EOGT: variants seen among roughly 807,000 people sequenced by gnomAD.
The protein encoded by EOGT is EGF domain-specific O-linked N-acetylglucosamine transferase.
In EOGT, 55 loss-of-function variants were observed where a neutral mutation model predicts 70.5. That is an observed-to-expected ratio of 0.78 (90% CI 0.63 to 0.98). The LOEUF (loss-of-function observed/expected upper bound fraction) is 0.98, where lower values mean the gene tolerates loss of function less well. EOGT is among the 50% of genes least tolerant of loss of function. The pLI is 0.00. For missense variants in EOGT, 703 were observed against 641.9 expected (o/e 1.10, Z -1.03); for synonymous variants, 246 against 217.1 (o/e 1.13, Z -1.17).
Position 68,977,570 on chromosome 3 carries a change from G to A in EOGT, c.*48C>T. 4 of 1,584,130 alleles carry A rather than the reference G, an allele frequency of 2.5e-6. No homozygotes were observed. Among genetic ancestry groups the A allele is most frequent in the Non-Finnish European group, 1.7e-6 (2 of 1,156,080 alleles). On this transcript the variant is annotated 3_prime_UTR_variant, in exon 18 of 18. Transcript: ENST00000383701. ...TTTACTGATTTAATTCTAAGTCTGG[G>A]TGTTGGAGTGTTTAAACACTCTCTT...
Position 69,008,490 on chromosome 3 carries a change from C to A in EOGT, c.249G>T (p.Glu83Asp), listed in dbSNP as rs778737581. The change falls in exon 5 of 18, where the codon GAG (glutamate) becomes GAT (aspartate). Residue 83 changes from glutamate (E) to aspartate (D), a missense_variant. By Grantham distance (45) the Glu-to-Asp change is conservative. Coordinates refer to ENST00000383701, the MANE Select transcript of EOGT (RefSeq NM_001278689.2). ...LEKLKYCWGY[E>D]KSCKPEFRFG... is the part of the protein sequence containing the mutation. ...ACCTGAACTCTGGTTTGCAGGATTT[C>A]TCATAACCCCAGCAGTACTTTAGCT... 2.5e-6 allele frequency: 4 copies of A among 1,614,076 alleles called. No homozygotes were observed. The highest frequency in any genetic ancestry group is 3.4e-6 in the Non-Finnish European group (4 of 1,179,982).
chr3:68,993,590 A>G (rs541986337), intron 10 of EOGT, among the ~76,000 whole-genome samples: 1 of 152,172 alleles, frequency 6.6e-6, no homozygotes, highest in East Asian at 1.9e-4. Flanking sequence ...AACTGTTCCA[A>G]TCGCTGCTTG....
At position 68,977,477 on chromosome 3, in the gene EOGT, A is replaced by G. The variant is rs928581919; in HGVS notation, c.*141T>C. ...GAAACACTTAACATCTATACAACAC[A>G]TAACAATATCCTGAAGGTATGTTTT... is the stretch of plus-strand genomic sequence containing the variant. On this transcript the variant is annotated 3_prime_UTR_variant, in exon 18 of 18. Transcript: ENST00000383701. The G allele has an allele frequency of 3.7e-6, 3 of 819,162 alleles. No individual in the cohort carries two copies. The highest frequency in any genetic ancestry group is 1.7e-5 in the African/African-American group (1 of 57,670). 50.7% of individuals were successfully genotyped at this position (819,162 alleles called of 1,614,324 possible).
chr3:68,989,585 T>G (rs1374415109), intron 10 of EOGT, among the ~76,000 whole-genome samples: 1 of 151,606 alleles, frequency 6.6e-6, no homozygotes, highest in Non-Finnish European at 1.5e-5. Context: ...CCATCTCTAC[T>G]AAAAATACAA....
Position 69,007,816 on chromosome 3 carries a change from T to G in EOGT, c.317A>C (p.Asp106Ala). The G allele has an allele frequency of 6.3e-7, 1 of 1,594,062 alleles. No homozygotes were observed. Among genetic ancestry groups the G allele is most frequent in the Non-Finnish European group, 8.5e-7 (1 of 1,172,244 alleles). Residue 106 changes from aspartate to alanine, a missense_variant, in exon 6 of 18, where the codon GAC becomes GCC. Coordinates refer to ENST00000383701, the MANE Select transcript of EOGT (RefSeq NM_001278689.2). ...VCSYVDMGWT[D>A]TLESAEDIFW... is the part of the protein sequence containing the mutation. ...TATGTCCTCAGCTGACTCAAGAGTG[T>G]CCGTCCTATTTGCAAATAAAAATAT...
At chr3:69,004,017 C>T (rs966194158) in intron 8 of EOGT, among the ~76,000 whole-genome samples, 2 of 152,168 alleles carry the variant, frequency 1.3e-5, no homozygotes, top group Non-Finnish European at 2.9e-5. Context: ...AGATTATAGG[C>T]ATGAGCCACC....
intron 3 of EOGT, among the ~76,000 whole-genome samples, chr3:69,011,193 C>CT (rs57904466): frequency 8.8e-6 from 1 of 113,272 alleles, no homozygotes; most frequent in East Asian, 2.7e-4. Context: ...GATCTTTGTT[C>CT]TTTTTTTTTT....
At chr3:68,999,037 T>A (rs774723293) in intron 9 of EOGT, among the ~76,000 whole-genome samples, 1 of 152,184 alleles carries the variant, frequency 6.6e-6, no homozygotes, top group South Asian at 2.1e-4. Flanking sequence ...GTGTTCTGAT[T>A]GAAAGAGAAG....
chr3:68,989,649 G>A (rs1018753675), intron 10 of EOGT, among the ~76,000 whole-genome samples: 1 of 150,680 alleles, frequency 6.6e-6, no homozygotes, highest in African/African-American at 2.4e-5. Context: ...TCGGGAGGCT[G>A]AGACAGGAGA....
At chr3:68,996,714 T>C (rs906424391) in intron 10 of EOGT, among the ~76,000 whole-genome samples, 2 of 152,212 alleles carry the variant, frequency 1.3e-5, no homozygotes, top group Non-Finnish European at 1.5e-5. Context: ...AAGAAACACC[T>C]GAGGCTGCCC....
At chr3:68,978,217 C>A in intron 17 of EOGT, 116 bp downstream of exon 17, 1 of 765,976 alleles carries the variant, frequency 1.3e-6, no homozygotes, top group Admixed American at 2.8e-5. Flanking sequence ...TTCAGTATTC[C>A]AGAGAACAGT....
intron 8 of EOGT, among the ~76,000 whole-genome samples, chr3:69,003,098 G>A (rs962549565): frequency 8.6e-5 from 13 of 151,808 alleles, no homozygotes; most frequent in African/African-American, 2.9e-4. Context: ...CGCCCTCCCC[G>A]TCCTCCTCCC....
chr3:69,010,114 CT>C (rs1166569690), intron 3 of EOGT, among the ~76,000 whole-genome samples: 2 of 152,176 alleles, frequency 1.3e-5, no homozygotes, highest in East Asian at 3.8e-4. Flanking sequence ...CTCATGGTGC[CT>C]TTAAACCTAC....
chr3:68,996,041 G>C (rs192445943), intron 10 of EOGT, among the ~76,000 whole-genome samples: 2 of 152,216 alleles, frequency 1.3e-5, no homozygotes, highest in Non-Finnish European at 2.9e-5. Context: ...TTTAGGGCTT[G>C]TAATGGCTGG....
chr3:68,990,240 G>A (rs897333614), intron 10 of EOGT, among the ~76,000 whole-genome samples: 8 of 152,014 alleles, frequency 5.3e-5, no homozygotes, highest in Admixed American at 2.6e-4. Context: ...CCTACATTGC[G>A]AAGCAGCTGA....
chr3:68,999,161 T>C (rs2091235220), intron 9 of EOGT, among the ~76,000 whole-genome samples: 1 of 152,194 alleles, frequency 6.6e-6, no homozygotes, highest in Non-Finnish European at 1.5e-5. Flanking sequence ...GGGAAATAGT[T>C]ACCTAAGTGC....
At chr3:68,989,966 T>A (rs2090939976) in intron 10 of EOGT, among the ~76,000 whole-genome samples, 1 of 151,894 alleles carries the variant, frequency 6.6e-6, no homozygotes, top group South Asian at 2.1e-4. Flanking sequence ...AATAAAAATA[T>A]ATAACATATG....
Position 68,988,509 on chromosome 3 carries a change from A to G in EOGT, c.993T>C (p.Pro331=), listed in dbSNP as rs1029022699. 12 of 1,530,770 alleles carry G rather than the reference A, an allele frequency of 7.8e-6. No individual in the cohort carries two copies. Among genetic ancestry groups the G allele is most frequent in the Middle Eastern group, 3.4e-4 (2 of 5,848 alleles). 94.8% of individuals were successfully genotyped at this position (1,530,770 alleles called of 1,614,324 possible). ...RMRYGLFYNT[P]LISGCQNTGL... Reference sequence around the variant, plus strand: ...TAATGGTAGACAATGTGCTTACCAGAGGAGTATTATAGAACAGCCCATACC... The same window carrying G: ...TAATGGTAGACAATGTGCTTACCAGGGGAGTATTATAGAACAGCCCATACC... The change falls in exon 12 of 18, where the codon CCT becomes CCC. Residue 331 remains proline, a synonymous_variant. Coordinates refer to ENST00000383701, the MANE Select transcript of EOGT (RefSeq NM_001278689.2).
chr3:68,983,665 G>A (rs938359415), intron 14 of EOGT, among the ~76,000 whole-genome samples: 3 of 152,152 alleles, frequency 2.0e-5, no homozygotes, highest in East Asian at 1.9e-4. Flanking sequence ...CTTAATCCTC[G>A]TAAGAATCAC....
Sources: allele counts gnomAD v4.1 joint callset (sites outside exome capture counted in the v4.1 genomes callset), GRCh38; gene constraint gnomAD v4.1.1; transcripts MANE v1.5; gene names NCBI Gene and HGNC (gene_info 2026-07-23, HGNC 2026-07-21).